Variants in RPS6KA2 observed in about 807,000 individuals in gnomAD.
RPS6KA2 encodes the protein ribosomal protein S6 kinase A2, also known as ribosomal protein S6 kinase alpha-2.
A neutral mutation model predicts 91.8 loss-of-function variants in RPS6KA2; 42 were observed. The ratio of observed to expected loss-of-function variants is 0.46; its 90% confidence interval spans 0.36 to 0.59. The LOEUF (loss-of-function observed/expected upper bound fraction) is 0.59, where lower values mean the gene tolerates loss of function less well. Ranked by LOEUF, RPS6KA2 falls within the 20% of genes least tolerant of loss-of-function variation. The pLI is 0.00. For synonymous variants in RPS6KA2, 414 were observed against 393.6 expected (o/e 1.05, Z -0.61); for missense variants, 798 against 978.5 (o/e 0.82, Z 2.46).
rs1394229232 is a variant in RPS6KA2, at chr6:166,459,461, G to A, written c.1063C>T (p.Arg355Trp). ...CTGTGGCACACACCTGTGGGCGTCC[G>A]CGCTGTGAACTCGGGGTCAAAGTGG... Reference protein sequence around the residue: ...TFHFDPEFTARTPTDSPGVPP... With the variant: ...TFHFDPEFTAWTPTDSPGVPP... Residue 355 changes from arginine to tryptophan, a missense_variant, in exon 12 of 21, where the codon CGG becomes TGG. Physicochemically the swap from Arg to Trp is moderately radical, Grantham distance 101. Coordinates refer to ENST00000265678, the MANE Select transcript of RPS6KA2 (RefSeq NM_021135.6). This position sits in a 1 kb window ranked among gnomAD's most constrained non-coding sequence, Gnocchi z 4.9. The A allele has an allele frequency of 2.4e-5, 38 of 1,613,316 alleles. No individual in the cohort carries two copies. Among genetic ancestry groups the A allele is most frequent in the South Asian group, 3.3e-5 (3 of 91,016 alleles).
chr6:166,611,408 A>G (rs1051192705), intron 1 of RPS6KA2, among the ~76,000 whole-genome samples: 1 of 152,214 alleles, frequency 6.6e-6, no homozygotes, highest in Non-Finnish European at 1.5e-5. Flanking sequence ...CCACTCCACC[A>G]TCATCCGACA....
At chr6:166,669,408 A>C (rs7752989) in intron 2 of RPS6KA2, among the ~76,000 whole-genome samples, 27,286 of 152,116 alleles carry the variant, frequency 0.18, 2,467 homozygotes, top group South Asian at 0.23. Flanking sequence ...GAGGACAGCT[A>C]TGTAGTCAAC....
intron 11 of RPS6KA2, among the ~76,000 whole-genome samples, chr6:166,468,552 C>G (rs547640576): frequency 6.6e-6 from 1 of 152,058 alleles, no homozygotes; most frequent in Admixed American, 6.5e-5. Flanking sequence ...GTGGAGGCCC[C>G]GGACTCCATG....
At chr6:166,594,533 G>A (rs1451638621) in intron 1 of RPS6KA2, among the ~76,000 whole-genome samples, 2 of 152,116 alleles carry the variant, frequency 1.3e-5, no homozygotes, top group East Asian at 3.9e-4. Flanking sequence ...CGCAATCTCG[G>A]CTCACTGCAA....
Position 166,563,983 on chromosome 6 carries a change from C to T in RPS6KA2, c.100-25199G>A, listed in dbSNP as rs758388129. Among the ~76,000 whole-genome samples, 2 of 152,154 alleles carry T rather than the reference C, an allele frequency of 1.3e-5. No individual in the cohort carries two copies. The highest frequency in any genetic ancestry group is 6.5e-5 in the Admixed American group (1 of 15,282). ...AGAAATGGCAGATGTCAGATGTCAG[C>T]GCTGCCAATGTTTCAGCACTGCGGT... On this transcript the variant is annotated intron_variant, in intron 1 of 20. Coordinates refer to ENST00000265678, the MANE Select transcript of RPS6KA2 (RefSeq NM_021135.6). This position sits in a 1 kb window ranked among gnomAD's most constrained non-coding sequence, Gnocchi z 4.1.
Position 166,411,401 on chromosome 6 carries a change from A to T in RPS6KA2, c.*1361T>A, listed in dbSNP as rs1778298842. 6.6e-6 allele frequency: 1 copy of T among 151,848 alleles called. No individual in the cohort carries two copies. Among genetic ancestry groups the T allele is most frequent in the Non-Finnish European group, 1.5e-5 (1 of 67,984 alleles). 9.4% of individuals were successfully genotyped at this position (151,848 alleles called of 1,614,324 possible). On this transcript the variant is annotated 3_prime_UTR_variant, in exon 21 of 21. Transcript: ENST00000265678. The surrounding 1 kb of genome is among the most constrained non-coding windows in gnomAD (Gnocchi z 4.5). ...GGCTGAGCGGCGCCTCCTCCCATCTAGTCTGCTTGGGGGCCGCCAGGGAGC... is the reference window on the plus strand; with the variant it reads ...GGCTGAGCGGCGCCTCCTCCCATCTTGTCTGCTTGGGGGCCGCCAGGGAGC...
intron 1 of RPS6KA2, among the ~76,000 whole-genome samples, chr6:166,549,799 G>A (rs1031416154): frequency 7.9e-5 from 12 of 152,156 alleles, no homozygotes; most frequent in African/African-American, 2.4e-4. Flanking sequence ...ACGAGTACAC[G>A]TAAAACTGGT....
intron 2 of RPS6KA2, among the ~76,000 whole-genome samples, chr6:166,718,326 C>T (rs548045109): frequency 1.3e-4 from 20 of 152,186 alleles, no homozygotes; most frequent in South Asian, 6.2e-4. Flanking sequence ...GAGGTTAGTC[C>T]CCACAGTGCC....
At position 166,418,478 on chromosome 6, in the gene RPS6KA2, T is replaced by C. The variant is rs887631985; in HGVS notation, c.1821-136A>G. On this transcript the variant is annotated intron_variant, in intron 18 of 20. Coordinates refer to ENST00000265678, the MANE Select transcript of RPS6KA2 (RefSeq NM_021135.6). The surrounding 1 kb of genome is among the most constrained non-coding windows in gnomAD (Gnocchi z 4.9). The stretch of plus-strand genomic sequence containing the variant: ...CCCTCCTCTGCTCTGAAGCCAGGAT[T>C]CATGGGAAAGCGGAACTTACCTCTA... 5.6e-6 allele frequency: 4 copies of C among 709,484 alleles called. No individual in the cohort carries two copies. The Admixed American group carries it at 8.0e-5, about 14-fold the overall frequency. 43.9% of individuals were successfully genotyped at this position (709,484 alleles called of 1,614,324 possible). A position where few individuals can be genotyped will look rare whatever the true frequency, so the allele number is the denominator to read the frequency against.
chr6:166,557,850 T>A lies in RPS6KA2; in HGVS notation c.100-19066A>T, dbSNP rs1245268738. 6.6e-6 allele frequency among the ~76,000 whole-genome samples: 1 copy of A among 152,116 alleles called. No individual in the cohort carries two copies. The highest frequency in any genetic ancestry group is 2.4e-5 in the African/African-American group (1 of 41,414). ...AAAACATTTTAGCCCCAGTTCACCA[T>A]CCAAATAGAAAGCCTGTTACACCAG... On this transcript the variant is annotated intron_variant, in intron 1 of 20. Transcript: ENST00000265678. This position sits in a 1 kb window ranked among gnomAD's most constrained non-coding sequence, Gnocchi z 4.8.
intron 1 of RPS6KA2, among the ~76,000 whole-genome samples, chr6:166,567,577 T>C (rs978969033): frequency 6.6e-5 from 10 of 152,046 alleles, no homozygotes; most frequent in African/African-American, 2.4e-4. Context: ...CTAAGAAAAA[T>C]GTTTGCCCAG....
chr6:166,561,034 A>C (rs1333699738), intron 1 of RPS6KA2, among the ~76,000 whole-genome samples: 1 of 152,092 alleles, frequency 6.6e-6, no homozygotes, highest in Admixed American at 6.5e-5. Context: ...AGTATTGATC[A>C]GAGAAAAGCG....
chr6:166,745,220 C>G (rs371654647), intron 2 of RPS6KA2, among the ~76,000 whole-genome samples: 4 of 148,186 alleles, frequency 2.7e-5, no homozygotes, highest in Non-Finnish European at 4.4e-5. Flanking sequence ...GGCGCCATCT[C>G]GGCTCACTGC....
chr6:166,694,798 G>A lies in RPS6KA2; in HGVS notation c.124-156014C>T, dbSNP rs565562458. Among the ~76,000 whole-genome samples the A allele has an allele frequency of 1.6e-4, 24 of 152,294 alleles. No individual in the cohort carries two copies. The South Asian group carries it at 1.9e-3, about 12-fold the overall frequency. On this transcript the variant is annotated intron_variant, in intron 2 of 21. Coordinates refer to the RPS6KA2 transcript ENST00000503859. ...CTGAGCCCTTACTGCATCTTTCCAC[G>A]TTGAGAGAGAAAGAGAGTAATTCAT...
chr6:166,532,551 G>T (rs773774795), intron 2 of RPS6KA2, among the ~76,000 whole-genome samples: 46 of 152,186 alleles, frequency 3.0e-4, no homozygotes, highest in Non-Finnish European at 7.4e-5. Flanking sequence ...CCCCACTGCT[G>T]CCCTGCCATC....
At chr6:166,702,880 G>A (rs943596200) in intron 2 of RPS6KA2, 2 of 854,914 alleles carry the variant, frequency 2.3e-6, no homozygotes, top group African/African-American at 1.7e-5. Context: ...TGAGAAAAAC[G>A]AAAATTAAAA....
chr6:166,486,239 CCCACACACAG>C (rs1453535796), intron 10 of RPS6KA2, among the ~76,000 whole-genome samples: 11 of 129,564 alleles, frequency 8.5e-5, no homozygotes, highest in African/African-American at 2.5e-4. Context: ...AGCCATGAAC[CCCACACACAG>C]CTGTGAGCAC....
At chr6:166,680,994 GCT>G (rs1788787910) in intron 2 of RPS6KA2, among the ~76,000 whole-genome samples, 1 of 152,192 alleles carries the variant, frequency 6.6e-6, no homozygotes, top group Non-Finnish European at 1.5e-5. Flanking sequence ...AGTGAGGACT[GCT>G]CTTTTTTAAC....
At chr6:166,413,573 C>T (rs73267284) in intron 20 of RPS6KA2, among the ~76,000 whole-genome samples, 15,600 of 152,226 alleles carry the variant, frequency 0.1, 2,527 homozygotes, top group African/African-American at 0.35. Flanking sequence ...CCAGCTGCCA[C>T]CACGTCAGCA....
Sources: gnomAD v4.1 joint callset for allele counts (sites outside exome capture counted in the v4.1 genomes callset) on GRCh38, gnomAD v4.1.1 for gene constraint, Gnocchi (gnomAD v3.1) non-coding constraint, MANE v1.5 for transcripts, NCBI Gene and HGNC (gene_info 2026-07-23, HGNC 2026-07-21) for gene names.